TCERG1: variants seen among roughly 807,000 people sequenced by gnomAD.
TCERG1 encodes transcription elongation regulator 1, also known as TATA box binding protein (TBP)-associated factor, RNA polymerase II, S, 150kD.
Under a neutral mutation model 144.7 loss-of-function variants are expected in TCERG1, and 37 were observed. That is an observed-to-expected ratio of 0.26 (90% CI 0.20 to 0.34). TCERG1 has a LOEUF of 0.34. Among genes scored for constraint, TCERG1 ranks in the 10% least tolerant of loss-of-function variants. The pLI is 1.00. For missense variants in TCERG1, 1,027 were observed against 1,380.7 expected, an observed-to-expected ratio of 0.74 and a Z score of 4.06; for synonymous variants, 492 against 458.2, an observed-to-expected ratio of 1.07 and a Z score of -0.94.
chr5:146,467,481 T>C (rs1284182547), intron 5 of TCERG1, among the ~76,000 whole-genome samples: 1 of 152,220 alleles, frequency 6.6e-6, no homozygotes, highest in Non-Finnish European at 1.5e-5. Flanking sequence ...TTTCTTTTCA[T>C]TCCCTTTTTA....
chr5:146,454,746 C>T (rs569253321), intron 1 of TCERG1, among the ~76,000 whole-genome samples: 5 of 152,220 alleles, frequency 3.3e-5, no homozygotes, highest in East Asian at 1.9e-4. Context: ...TACAGGCGTG[C>T]GCCTCCATAC....
Position 146,503,430 on chromosome 5 carries a change from G to A in TCERG1, c.2489G>A (p.Arg830Gln), listed in dbSNP as rs1767661920. 12 of 1,613,570 alleles carry A rather than the reference G, an allele frequency of 7.4e-6. No individual in the cohort carries two copies. Among genetic ancestry groups the A allele is most frequent in the Admixed American group, 1.7e-5 (1 of 59,982 alleles). ...LSNHHLDSQS[R>Q]WSKVKDKVES... ...AATCATCACTTGGACAGTCAGTCTC[G>A]ATGGAGCAAAGTAAAAGACAAAGTA... The change falls in exon 18 of 23, where the codon CGA becomes CAA. Residue 830 changes from arginine to glutamine, a missense_variant. This residue lies in a region of TCERG1 where 482 missense variants were observed against 632.6 expected (regional missense o/e 0.76). Coordinates refer to ENST00000679501, the MANE Select transcript of TCERG1 (RefSeq NM_001382548.1).
At chr5:146,497,717 G>T (rs188088383) in intron 16 of TCERG1, among the ~76,000 whole-genome samples, 1 of 152,112 alleles carries the variant, frequency 6.6e-6, no homozygotes, top group African/African-American at 2.4e-5. Context: ...TTGTTAATGT[G>T]AATCTCTGAA....
At chr5:146,472,866 A>T (rs1764470639) in intron 9 of TCERG1, among the ~76,000 whole-genome samples, 1 of 152,110 alleles carries the variant, frequency 6.6e-6, no homozygotes, top group African/African-American at 2.4e-5. Context: ...GTTACACGCC[A>T]CCACGCCTGG....
chr5:146,448,896 C>T (rs749300185), intron 1 of TCERG1, among the ~76,000 whole-genome samples: 2 of 152,080 alleles, frequency 1.3e-5, no homozygotes, highest in Non-Finnish European at 2.9e-5. Context: ...CATTCTTTTG[C>T]ATTTTAGAAA....
chr5:146,510,614 C>T lies in TCERG1; in HGVS notation c.3320C>T (p.Ser1107Leu), dbSNP rs746067772. ...RRGPPPPPTA[S>L]EPTRRSTK is the part of the protein sequence containing the mutation. ...GGTCCACCCCCACCTCCCACAGCAT[C>T]GGAGCCCACGAGACGATCAACAAAA... Residue 1107 changes from serine (S) to leucine (L), a missense_variant, in exon 23 of 23, where the codon TCG (serine) becomes TTG (leucine). Around this residue, in one of 6 missense-constraint regions of TCERG1, gnomAD observed 133 missense variants for 283.2 expected, o/e 0.47. Coordinates refer to ENST00000679501, the MANE Select transcript of TCERG1 (RefSeq NM_001382548.1). 9.3e-6 allele frequency: 15 copies of T among 1,613,932 alleles called. No individual in the cohort carries two copies. The highest frequency in any genetic ancestry group is 5.1e-6 in the Non-Finnish European group (6 of 1,179,974).
At chr5:146,460,466 A>G (rs1255663762) in intron 4 of TCERG1, among the ~76,000 whole-genome samples, 1 of 152,022 alleles carries the variant, frequency 6.6e-6, no homozygotes, top group Non-Finnish European at 1.5e-5. Flanking sequence ...TTGTCTCAAG[A>G]TACACAGCTG....
chr5:146,501,287 T>A (rs1176337766), intron 17 of TCERG1, among the ~76,000 whole-genome samples: 1 of 152,150 alleles, frequency 6.6e-6, no homozygotes, highest in African/African-American at 2.4e-5. Flanking sequence ...GAATTGCAGC[T>A]AATGGTAAAT....
At position 146,459,090 on chromosome 5, in the gene TCERG1, C is replaced by T. The variant is rs112548582; in HGVS notation, c.645C>T (p.Ala215=). ...AQAQAQAQAQ[A]QAQAQAQAQA... ...CTCAGGCTCAGGCCCAGGCCCAGGC[C>T]CAGGCCCAGGCCCAGGCCCAAGCCC... Residue 215 remains alanine (A), a synonymous_variant, in exon 4 of 23, where the codon GCC becomes GCT. Coordinates refer to ENST00000679501, the MANE Select transcript of TCERG1 (RefSeq NM_001382548.1). 39 of 1,526,436 alleles carry T rather than the reference C, an allele frequency of 2.6e-5. No individual in the cohort carries two copies. In the African/African-American group the frequency reaches 2.9e-4, roughly 11 times the overall value. The allele number at this position is 1,526,436 out of a possible 1,614,324, so 94.6% of individuals were successfully genotyped here.
Position 146,447,394 on chromosome 5 carries a change from C to G in TCERG1, c.45C>G (p.Asn15Lys). 6.2e-7 allele frequency: 1 copy of G among 1,611,968 alleles called. No homozygotes were observed. The highest frequency in any genetic ancestry group is 8.5e-7 in the Non-Finnish European group (1 of 1,179,266). The change falls in exon 1 of 23, where the codon AAC becomes AAG. Residue 15 changes from asparagine (N) to lysine (K), a missense_variant. Transcript: ENST00000679501. ...GGDGGESERF[N>K]PGELRMAQQQ... ...ACGGGGGCGAGAGTGAACGATTCAA[C>G]CCGGGGGAGCTCAGGTAAGGAACGC...
chr5:146,483,472 A>G, intron 14 of TCERG1, 68 bp from the exon 15 acceptor site: 3 of 1,397,864 alleles, frequency 2.1e-6, no homozygotes. Flanking sequence ...GTAGATTTCA[A>G]GCAAAATTAT....
At position 146,498,674 on chromosome 5, in the gene TCERG1, C is replaced by G; in HGVS notation, c.2421C>G (p.Thr807=). The part of the protein sequence containing the change: ...ARKKEKEDSK[T]RGEKIKSDFF... ...AGAAAGAGAAAGAAGATTCGAAGAC[C>G]AGAGGTGAGAAGGTAAGATGGTTTT... The change falls in exon 17 of 23, where the codon ACC becomes ACG. Residue 807 remains threonine (T), a synonymous_variant. Transcript: ENST00000679501. 6.2e-7 allele frequency: 1 copy of G among 1,610,074 alleles called. No individual in the cohort carries two copies. Among genetic ancestry groups the G allele is most frequent in the Non-Finnish European group, 8.5e-7 (1 of 1,178,466 alleles).
chr5:146,454,207 A>AAAAAAAG (rs527970773), intron 1 of TCERG1, among the ~76,000 whole-genome samples: 114 of 149,752 alleles, frequency 7.6e-4, no homozygotes, highest in Non-Finnish European at 1.5e-3. Context: ...CTCAAAAAAA[A>AAAAAAAG]AAAAGAAAAG....
chr5:146,476,685 A>G (rs75667297), intron 9 of TCERG1, among the ~76,000 whole-genome samples: 2,786 of 152,274 alleles, frequency 0.018, 90 homozygotes, highest in African/African-American at 0.063. Context: ...CCAACTCCAA[A>G]CCCCCTCAAT....
At chr5:146,468,957 T>A (rs1462288618) in intron 6 of TCERG1, among the ~76,000 whole-genome samples, 1 of 152,040 alleles carries the variant, frequency 6.6e-6, no homozygotes, top group Non-Finnish European at 1.5e-5. Context: ...CTTATTTAGC[T>A]GTCTTGTAAA....
intron 22 of TCERG1, chr5:146,510,053 C>T: frequency 4.7e-6 from 6 of 1,289,736 alleles, no homozygotes; most frequent in Non-Finnish European, 6.1e-6. Flanking sequence ...AGACTTCTTT[C>T]TACATTTTTA....
At chr5:146,487,800 C>G (rs1765992829) in intron 15 of TCERG1, among the ~76,000 whole-genome samples, 1 of 151,508 alleles carries the variant, frequency 6.6e-6, no homozygotes, top group Non-Finnish European at 1.5e-5. Context: ...CAAAGCAATC[C>G]TAAGCAAAAA....
intron 17 of TCERG1, among the ~76,000 whole-genome samples, chr5:146,500,833 C>T (rs1767355605): frequency 6.6e-6 from 1 of 151,718 alleles, no homozygotes; most frequent in Admixed American, 6.6e-5. Context: ...ATAGCAAGAC[C>T]CCCATCTCTA....
rs569748574 is a variant in TCERG1, at chr5:146,494,389, G to A, written c.2282+1351G>A. Among the ~76,000 whole-genome samples, 174 of 152,220 alleles carry A rather than the reference G, an allele frequency of 1.1e-3. 1 individual carries two copies. Among genetic ancestry groups the A allele is most frequent in the African/African-American group, 3.9e-3 (162 of 41,552 alleles). On this transcript the variant is annotated intron_variant, in intron 16 of 22. Coordinates refer to ENST00000679501, the MANE Select transcript of TCERG1 (RefSeq NM_001382548.1). ...GAATATATTTATTAAAACTCCATAT[G>A]GGTCTGTGAATAATTGAAACTCCAA...
Sources: gnomAD v4.1 joint callset for allele counts (sites outside exome capture counted in the v4.1 genomes callset) on GRCh38, gnomAD v4.1.1 for gene constraint, gnomAD v4.1.1 regional missense constraint, MANE v1.5 for transcripts, NCBI Gene and HGNC (gene_info 2026-07-23, HGNC 2026-07-21) for gene names.